MAEA: variants seen among roughly 807,000 people sequenced by gnomAD.
MAEA encodes E3 ubiquitin-protein transferase MAEA.
Under a neutral mutation model 46.2 loss-of-function variants are expected in MAEA, and 22 were observed. That is an observed-to-expected ratio of 0.48 (90% CI 0.34 to 0.68). The LOEUF (loss-of-function observed/expected upper bound fraction) is 0.68. Ranked by LOEUF, MAEA falls within the 30% of genes least tolerant of loss-of-function variation. The pLI is 0.01. For missense variants in MAEA, 393 were observed against 558.1 expected (o/e 0.70, Z 2.98); for synonymous variants, 246 against 222.6 (o/e 1.11, Z -0.94).
intron 1 of MAEA, among the ~76,000 whole-genome samples, chr4:1,301,022 G>A (rs1467277998): frequency 1.3e-5 from 2 of 152,236 alleles, no homozygotes; most frequent in Admixed American, 1.3e-4. Flanking sequence ...TGCCACCCAG[G>A]GCTTAATCCA....
At chr4:1,337,107 C>T (rs1712869690) in intron 7 of MAEA, 113 bp downstream of exon 7, 1 of 1,332,830 alleles carries the variant, frequency 7.5e-7, no homozygotes, top group Admixed American at 1.8e-5. Context: ...ACAGACAGCC[C>T]CGAGCTCCCG....
chr4:1,335,040 C>T (rs536489109), intron 6 of MAEA: 1 of 985,302 alleles, frequency 1.0e-6, no homozygotes, highest in East Asian at 1.1e-4. Flanking sequence ...GCCGTCTCCC[C>T]CCAAGCTAGA....
chr4:1,334,864 G>T, intron 6 of MAEA: 1 of 985,408 alleles, frequency 1.0e-6, no homozygotes, highest in Non-Finnish European at 1.2e-6. Context: ...CTGGACTGTG[G>T]GCTTCCTCCC....
At chr4:1,334,174 CT>C (rs33988166) in intron 6 of MAEA, among the ~76,000 whole-genome samples, 2,532 of 56,862 alleles carry the variant, frequency 0.045, 652 homozygotes, top group Admixed American at 0.094. Flanking sequence ...ATGCCCACCC[CT>C]GTGCTCATCA....
At chr4:1,328,927 C>T (rs977427752) in intron 5 of MAEA, 27 of 999,132 alleles carry the variant, frequency 2.7e-5, no homozygotes, top group South Asian at 4.1e-5. Context: ...TGGAGAGTGG[C>T]GTGTGAGCAT....
intron 8 of MAEA, chr4:1,338,822 C>T: frequency 1.5e-6 from 1 of 668,980 alleles, no homozygotes; most frequent in Non-Finnish European, 2.5e-6. Flanking sequence ...CGGGGCCAGG[C>T]TGGCACACGT....
chr4:1,301,752 G>T (rs1290755146), intron 1 of MAEA, among the ~76,000 whole-genome samples: 1 of 152,068 alleles, frequency 6.6e-6, no homozygotes, highest in African/African-American at 2.4e-5. Flanking sequence ...ACTGGACAAG[G>T]GACACAGACA....
At chr4:1,321,788 C>T (rs1021487421) in intron 3 of MAEA, among the ~76,000 whole-genome samples, 2 of 152,104 alleles carry the variant, frequency 1.3e-5, no homozygotes, top group Non-Finnish European at 2.9e-5. Context: ...ATGGGTTCCA[C>T]TGCTAGGCAC....
rs1462621530 is a variant in MAEA at position 1,339,269 on chromosome 4, G to A, written c.*100G>A. On this transcript the variant is annotated 3_prime_UTR_variant, in exon 9 of 9. Transcript: ENST00000303400. ...CGCTCCAGCCTGCCGCGGCGTTTCT[G>A]TTTCTTGCGACCAAAGATCCGTGAG... 4 of 821,654 alleles carry A rather than the reference G, an allele frequency of 4.9e-6. No homozygotes were observed. Among genetic ancestry groups the A allele is most frequent in the East Asian group, 4.9e-5 (2 of 40,476 alleles). 50.9% of individuals were successfully genotyped at this position (821,654 alleles called of 1,614,324 possible).
chr4:1,296,456 G>T (rs1171770457), intron 1 of MAEA, among the ~76,000 whole-genome samples: 1 of 125,822 alleles, frequency 7.9e-6, no homozygotes, highest in Non-Finnish European at 1.6e-5. Flanking sequence ...ACCCGTGCCT[G>T]TGCCCCCCTC....
intron 1 of MAEA, among the ~76,000 whole-genome samples, chr4:1,301,868 A>G (rs1395201824): frequency 3.3e-5 from 5 of 152,374 alleles, no homozygotes; most frequent in African/African-American, 1.2e-4. Flanking sequence ...AGTTACTACA[A>G]AAAACCTCAC....
intron 4 of MAEA, among the ~76,000 whole-genome samples, chr4:1,324,109 C>T (rs1293437085): frequency 1.3e-4 from 18 of 139,472 alleles, no homozygotes; most frequent in East Asian, 2.2e-4. Flanking sequence ...GATGAGTGTG[C>T]CTGGTATTGG....
chr4:1,300,507 G>T (rs1735207538), intron 1 of MAEA, among the ~76,000 whole-genome samples: 3 of 152,254 alleles, frequency 2.0e-5, no homozygotes, highest in African/African-American at 7.2e-5. Flanking sequence ...CTGCCCGCTT[G>T]CAGTCTCTGT....
chr4:1,297,567 T>C lies in MAEA; in HGVS notation c.69+7585T>C, dbSNP rs115536264. Among the ~76,000 whole-genome samples the C allele has an allele frequency of 7.6e-3, 1,151 of 151,818 alleles. 13 individuals carry two copies. Among genetic ancestry groups the C allele is most frequent in the African/African-American group, 0.027 (1,094 of 41,098 alleles). On this transcript the variant is annotated intron_variant, in intron 1 of 8. Transcript: ENST00000303400. The stretch of plus-strand genomic sequence containing the variant: ...GTGGTTCCTTTTGCCCTTTGTCCCT[T>C]GCCTGCCTGGTTTCCTTTGCAGCAC...
intron 4 of MAEA, among the ~76,000 whole-genome samples, chr4:1,323,017 C>T (rs551010944): frequency 2.3e-4 from 31 of 132,588 alleles, no homozygotes; most frequent in Non-Finnish European, 3.6e-4. Flanking sequence ...TGCAGTGGCA[C>T]GATCTTGGCT....
At position 1,338,732 on chromosome 4, in the gene MAEA, C is replaced by T. The variant is rs1713137714; in HGVS notation, c.1095+115C>T. 7 of 607,580 alleles carry T rather than the reference C, an allele frequency of 1.2e-5. No homozygotes were observed. The South Asian group carries it at 1.2e-4, about 11-fold the overall frequency. 37.6% of individuals were successfully genotyped at this position (607,580 alleles called of 1,614,324 possible). The stretch of plus-strand genomic sequence containing the variant: ...GGCACGCATCGCCATCGGGACAGGG[C>T]TGTGTGGGACGGGCAGGGCGGGGGG... On this transcript the variant is annotated intron_variant, in intron 8 of 8. Transcript: ENST00000303400.
intron 1 of MAEA, among the ~76,000 whole-genome samples, chr4:1,297,590 C>T (rs1379718886): frequency 6.6e-6 from 1 of 152,176 alleles, no homozygotes; most frequent in African/African-American, 2.4e-5. Context: ...TCCTTTGCAG[C>T]ACTCGTCACA....
chr4:1,295,773 C>A (rs572282252), intron 1 of MAEA, among the ~76,000 whole-genome samples: 4 of 52,208 alleles, frequency 7.7e-5, no homozygotes, highest in Non-Finnish European at 1.5e-4. Context: ...CCTCTGCCCC[C>A]CTCACCCGCG....
chr4:1,294,240 G>A (rs542738077), intron 1 of MAEA, among the ~76,000 whole-genome samples: 13 of 152,326 alleles, frequency 8.5e-5, no homozygotes, highest in South Asian at 2.1e-4. Flanking sequence ...CTCTCCCACC[G>A]TTTGCTGGTG....
Sources: gnomAD v4.1 joint callset for allele counts (sites outside exome capture counted in the v4.1 genomes callset) on GRCh38, gnomAD v4.1.1 for gene constraint, MANE v1.5 for transcripts, NCBI Gene and HGNC (gene_info 2026-07-23, HGNC 2026-07-21) for gene names.